ASAP2: variants seen among roughly 807,000 people sequenced by gnomAD.
The protein encoded by ASAP2 is arf-GAP with SH3 domain, ANK repeat and PH domain-containing protein 2.
Under a neutral mutation model 131.4 loss-of-function variants are expected in ASAP2, and 45 were observed. The ratio of observed to expected loss-of-function variants is 0.34; its 90% CI spans 0.27 to 0.44. The LOEUF (loss-of-function observed/expected upper bound fraction) is 0.44. Among genes scored for constraint, ASAP2 ranks in the 20% least tolerant of loss-of-function variants. The pLI is 1.00. For synonymous variants in ASAP2, 510 were observed against 503.0 expected (o/e 1.01, Z -0.19); for missense variants, 1,011 against 1,297.0 (o/e 0.78, Z 3.39).
intron 16 of ASAP2, among the ~76,000 whole-genome samples, chr2:9,370,181 G>A (rs1365578883): frequency 3.3e-5 from 5 of 152,252 alleles, no homozygotes; most frequent in Non-Finnish European, 4.4e-5. Context: ...TTTGAGAAAC[G>A]GAGATTGCAG....
chr2:9,374,305 C>T (rs1438566459), intron 16 of ASAP2, among the ~76,000 whole-genome samples: 2 of 152,204 alleles, frequency 1.3e-5, no homozygotes, highest in Admixed American at 6.5e-5. Flanking sequence ...ATGGGCCTGT[C>T]GGGCAGTGAG....
chr2:9,209,386 T>A (rs1252811768), intron 1 of ASAP2, among the ~76,000 whole-genome samples: 4 of 152,238 alleles, frequency 2.6e-5, no homozygotes, highest in Non-Finnish European at 2.9e-5. Flanking sequence ...ACTTGTTCTA[T>A]GTATGGTTTA....
chr2:9,306,432 C>T (rs992091088), intron 3 of ASAP2, among the ~76,000 whole-genome samples: 7 of 151,836 alleles, frequency 4.6e-5, no homozygotes, highest in African/African-American at 1.7e-4. Context: ...GGCAGAAGAG[C>T]GGCTGCTGCA....
intron 7 of ASAP2, among the ~76,000 whole-genome samples, chr2:9,328,947 A>G (rs575353154): frequency 6.6e-6 from 1 of 152,350 alleles, no homozygotes; most frequent in East Asian, 1.9e-4. Flanking sequence ...ATAAAGATTT[A>G]GGGTAGAGTT....
intron 1 of ASAP2, among the ~76,000 whole-genome samples, chr2:9,275,648 A>G (rs1186683747): frequency 2.0e-5 from 3 of 152,152 alleles, no homozygotes; most frequent in African/African-American, 7.2e-5. Flanking sequence ...TGGCCTGAGT[A>G]ACCTTCAAGC....
chr2:9,397,737 TA>T (rs1558403235), intron 24 of ASAP2, among the ~76,000 whole-genome samples: 6 of 89,916 alleles, frequency 6.7e-5, no homozygotes, highest in African/African-American at 5.2e-4. Context: ...GATATATATA[TA>T]TATATATATA....
intron 15 of ASAP2, among the ~76,000 whole-genome samples, chr2:9,366,525 C>G (rs1452763063): frequency 6.6e-6 from 1 of 152,186 alleles, no homozygotes; most frequent in African/African-American, 2.4e-5. Flanking sequence ...GATCTGACAC[C>G]AGCTGCCTGA....
At chr2:9,216,282 ATTTTTTTT>A (rs113751391) in intron 1 of ASAP2, among the ~76,000 whole-genome samples, 13 of 123,760 alleles carry the variant, frequency 1.1e-4, no homozygotes, top group East Asian at 4.6e-4. Flanking sequence ...GTCAGTTCAT[ATTTTTTTT>A]TTTTTTTTTT....
intron 2 of ASAP2, 70 bp from the exon 3 acceptor site, chr2:9,297,230 C>T (rs954583432): frequency 2.2e-5 from 34 of 1,577,138 alleles, no homozygotes; most frequent in African/African-American, 1.8e-4. Context: ...TATTCACAAC[C>T]GAGAAGAACC....
At chr2:9,284,848 C>T (rs916194727) in intron 2 of ASAP2, among the ~76,000 whole-genome samples, 1 of 152,216 alleles carries the variant, frequency 6.6e-6, no homozygotes, top group Non-Finnish European at 1.5e-5. Flanking sequence ...TGTGTTACGA[C>T]AGGCCCTGTA....
chr2:9,315,096 TTGA>T (rs1572426677), intron 3 of ASAP2, among the ~76,000 whole-genome samples: 2 of 152,072 alleles, frequency 1.3e-5, no homozygotes, highest in East Asian at 3.9e-4. Context: ...ATAGAACAAA[TTGA>T]GCACATGCGT....
intron 24 of ASAP2, among the ~76,000 whole-genome samples, chr2:9,394,610 C>T (rs1002920853): frequency 2.0e-5 from 3 of 152,166 alleles, no homozygotes; most frequent in South Asian, 4.1e-4. Context: ...TGGAAATATA[C>T]GCACATGTAC....
chr2:9,323,983 G>A (rs1453597221), intron 6 of ASAP2, among the ~76,000 whole-genome samples: 2 of 152,202 alleles, frequency 1.3e-5, no homozygotes, highest in African/African-American at 4.8e-5. Context: ...CTCTGCCTGG[G>A]GTTAATTCCT....
At chr2:9,296,878 C>G (rs893433024) in intron 2 of ASAP2, among the ~76,000 whole-genome samples, 1 of 152,172 alleles carries the variant, frequency 6.6e-6, no homozygotes, top group Admixed American at 6.5e-5. Context: ...GGAGAAGGAG[C>G]TGCTGTGTGG....
At position 9,208,095 on chromosome 2, in the gene ASAP2, G is replaced by A. The variant is rs1046532346; in HGVS notation, c.126+865G>A. Among the ~76,000 whole-genome samples the A allele has an allele frequency of 2.0e-5, 3 of 152,268 alleles. No homozygotes were observed. The East Asian group carries it at 5.8e-4, about 29-fold the overall frequency. On this transcript the variant is annotated intron_variant, in intron 1 of 27. Coordinates refer to ENST00000281419, the MANE Select transcript of ASAP2 (RefSeq NM_003887.3). ...GGGCCACCGTTGGCTGTGGTTTGAG[G>A]CACATCCTCACCTGCAGTCCTCCTT...
chr2:9,231,310 C>T (rs1663145117), intron 1 of ASAP2, among the ~76,000 whole-genome samples: 1 of 152,200 alleles, frequency 6.6e-6, no homozygotes, highest in South Asian at 2.1e-4. Context: ...TCTTCCTCTC[C>T]CCAGCCAAGC....
chr2:9,208,381 A>G (rs1661292354), intron 1 of ASAP2, among the ~76,000 whole-genome samples: 2 of 150,762 alleles, frequency 1.3e-5, no homozygotes, highest in Admixed American at 1.3e-4. Context: ...AGAGCTTTAA[A>G]TGAAGCAATG....
chr2:9,298,013 G>A (rs1668256138), intron 3 of ASAP2, among the ~76,000 whole-genome samples: 3 of 152,134 alleles, frequency 2.0e-5, no homozygotes, highest in South Asian at 4.2e-4. Context: ...GGTGAATTGC[G>A]CCTTTCTTGT....
intron 1 of ASAP2, among the ~76,000 whole-genome samples, chr2:9,218,500 G>A (rs932552777): frequency 6.6e-5 from 10 of 152,242 alleles, no homozygotes; most frequent in African/African-American, 2.4e-4. Context: ...AATCATGGAT[G>A]TGGCGTGTCT....
Sources: allele counts gnomAD v4.1 joint callset (sites outside exome capture counted in the v4.1 genomes callset), GRCh38; gene constraint gnomAD v4.1.1; transcripts MANE v1.5; gene names NCBI Gene and HGNC (gene_info 2026-07-23, HGNC 2026-07-21).